TTC6: variants seen among roughly 807,000 people sequenced by gnomAD.
TTC6 encodes the protein tetratricopeptide repeat protein 6.
A neutral mutation model predicts 210.4 loss-of-function variants in TTC6; 172 were observed. That is an observed-to-expected ratio of 0.82 (90% CI 0.72 to 0.93). TTC6 has a LOEUF of 0.93. Among genes scored for constraint, TTC6 ranks in the 40% least tolerant of loss-of-function variants. The probability of loss-of-function intolerance (pLI) is 0.00; values close to 1 mark genes in which losing one functional copy is unlikely to be tolerated. For synonymous variants in TTC6, 804 were observed against 819.6 expected (o/e 0.98, Z 0.32); for missense variants, 2,414 against 2,318.1 (o/e 1.04, Z -0.85).
rs141232166 is a variant in TTC6 at position 37,749,084 on chromosome 14, A to G, written c.2509A>G (p.Ile837Val). ...AGCTAAGGGAGGAATTCCAGAAAAT[A>G]TTGATCCTCGGACATGGGCTCTTGA... Residue 837 changes from isoleucine to valine, a missense_variant, in exon 11 of 31, where the codon ATT becomes GTT. Physicochemically the swap from Ile to Val is conservative, Grantham distance 29. Transcript: ENST00000553443. The G allele has an allele frequency of 7.8e-4, 1,201 of 1,535,776 alleles. 24 individuals carry two copies. In the East Asian group the frequency reaches 0.028, roughly 36 times the overall value.
At chr14:37,645,702 G>C (rs2095700399) in intron 1 of TTC6, among the ~76,000 whole-genome samples, 2 of 152,132 alleles carry the variant, frequency 1.3e-5, no homozygotes, top group South Asian at 4.1e-4. Flanking sequence ...CTCCAAGGTA[G>C]AAATGTTCTG....
intron 29 of TTC6, among the ~76,000 whole-genome samples, chr14:37,836,733 A>C (rs1205955362): frequency 6.6e-6 from 1 of 152,096 alleles, no homozygotes; most frequent in Non-Finnish European, 1.5e-5. Context: ...CTTCGTAGAG[A>C]AAATGGCTTC....
intron 10 of TTC6, among the ~76,000 whole-genome samples, chr14:37,741,515 C>A (rs972056009): frequency 2.0e-5 from 3 of 152,012 alleles, no homozygotes; most frequent in Admixed American, 6.6e-5. Context: ...GTCTCGAATT[C>A]CTGACTTCAG....
chr14:37,664,355 A>G (rs1190788022), intron 1 of TTC6, among the ~76,000 whole-genome samples: 1 of 150,694 alleles, frequency 6.6e-6, no homozygotes, highest in Non-Finnish European at 1.5e-5. Context: ...CGTCGCACCT[A>G]CAACCATCAG....
chr14:37,628,779 T>C (rs960061523), intron 1 of TTC6, among the ~76,000 whole-genome samples: 1 of 152,230 alleles, frequency 6.6e-6, no homozygotes, highest in African/African-American at 2.4e-5. Flanking sequence ...GAGTTAATTT[T>C]TGTATAAGGT....
chr14:37,605,895 G>GTTTT (rs200989659), intron 1 of TTC6, among the ~76,000 whole-genome samples: 1 of 145,234 alleles, frequency 6.9e-6, no homozygotes, highest in Non-Finnish European at 1.5e-5. Context: ...TTATTCACAG[G>GTTTT]TTTTTTTTTT....
At chr14:37,607,127 G>A (rs990243699) in intron 2 of TTC6, among the ~76,000 whole-genome samples, 28 of 152,332 alleles carry the variant, frequency 1.8e-4, no homozygotes, top group African/African-American at 6.5e-4. Flanking sequence ...CATAGCTGGA[G>A]AACATGTAAG....
At position 37,792,438 on chromosome 14, in the gene TTC6, AT is replaced by A. The variant is rs1261610048; in HGVS notation, c.3708+31del. 2.8e-6 allele frequency: 4 copies of A among 1,440,702 alleles called. No individual in the cohort carries two copies. In the East Asian group the frequency reaches 1.0e-4, roughly 37 times the overall value. The allele number at this position is 1,440,702 out of a possible 1,614,324, so 89.2% of individuals were successfully genotyped here. A position where few individuals can be genotyped will look rare whatever the true frequency, so the allele number is the denominator to read the frequency against. The stretch of plus-strand genomic sequence containing the variant: ...AGGTATTTAAGGCTCGAGAACCTTG[AT>A]TTTTTTAAAAAAACTTTAATTTTCT... On this transcript the variant is annotated intron_variant, in intron 17 of 30. Transcript: ENST00000553443.
At position 37,737,743 on chromosome 14, in the gene TTC6, A is replaced by G; in HGVS notation, c.1983+9A>G. Reference sequence around the variant, plus strand: ...AACCTACACAACTAAGGGTATTATAATTTTACAGTTTTTACTCTCTAAAAG... The same window carrying G: ...AACCTACACAACTAAGGGTATTATAGTTTTACAGTTTTTACTCTCTAAAAG... On this transcript the variant is annotated intron_variant, in intron 9 of 30. Coordinates refer to ENST00000553443, the Ensembl canonical transcript of TTC6. 6.9e-7 allele frequency: 1 copy of G among 1,449,600 alleles called. No homozygotes were observed. Among genetic ancestry groups the G allele is most frequent in the Admixed American group, 2.3e-5 (1 of 43,980 alleles). The allele number at this position is 1,449,600 out of a possible 1,614,324, so 89.8% of individuals were successfully genotyped here.
exon 3 of TTC6, chr14:37,682,951 G>T: frequency 6.5e-7 from 1 of 1,535,336 alleles, no homozygotes; most frequent in Non-Finnish European, 8.7e-7. Flanking sequence ...GAAGCCAAGT[G>T]GGTGTCTTTA....
At position 37,613,312 on chromosome 14, in the gene TTC6, A is replaced by G. The variant is rs552695743; in HGVS notation, c.-155+6570A>G. Among the ~76,000 whole-genome samples, 6 of 152,230 alleles carry G rather than the reference A, an allele frequency of 3.9e-5. No homozygotes were observed. The South Asian group carries it at 1.2e-3, about 32-fold the overall frequency. Reference sequence around the variant, plus strand: ...TATAATAAAATCAGATACTTAAATCAATTTTTCAACCCTTGGATAAACTCT... The same window carrying G: ...TATAATAAAATCAGATACTTAAATCGATTTTTCAACCCTTGGATAAACTCT... On this transcript the variant is annotated intron_variant, in intron 2 of 2. Transcript: ENST00000556845.
intron 14 of TTC6, among the ~76,000 whole-genome samples, chr14:37,769,450 T>C (rs906096024): frequency 6.6e-6 from 1 of 152,136 alleles, no homozygotes; most frequent in African/African-American, 2.4e-5. Context: ...TTTTGGTTGG[T>C]AAGCTATTGA....
rs1207708578 is a variant in TTC6, at chr14:37,701,536, C to A, written c.1571+10C>A. ...AAGAACAAACAGATAGGTAAGAGTTCCACTGGTAATTTGATTTTAAGCTAA... is the reference window on the plus strand; with the variant it reads ...AAGAACAAACAGATAGGTAAGAGTTACACTGGTAATTTGATTTTAAGCTAA... On this transcript the variant is annotated intron_variant, in intron 5 of 30. Transcript: ENST00000553443. 8 of 1,416,588 alleles carry A rather than the reference C, an allele frequency of 5.6e-6. No homozygotes were observed. Among genetic ancestry groups the A allele is most frequent in the Non-Finnish European group, 7.3e-6 (8 of 1,090,396 alleles). The allele number at this position is 1,416,588 out of a possible 1,614,324, so 87.8% of individuals were successfully genotyped here. A position where few individuals can be genotyped will look rare whatever the true frequency, so the allele number is the denominator to read the frequency against.
chr14:37,634,534 G>C (rs1343125044), intron 1 of TTC6, among the ~76,000 whole-genome samples: 1 of 152,114 alleles, frequency 6.6e-6, no homozygotes, highest in Non-Finnish European at 1.5e-5. Flanking sequence ...CCTGGAAGAA[G>C]GGGAAAAAGA....
intron 29 of TTC6, among the ~76,000 whole-genome samples, chr14:37,829,756 G>T (rs2139009975): frequency 6.6e-6 from 1 of 152,166 alleles, no homozygotes; most frequent in Non-Finnish European, 1.5e-5. Flanking sequence ...AATAGATATT[G>T]CAAGGCAAGT....
intron 1 of TTC6, among the ~76,000 whole-genome samples, chr14:37,637,618 G>C (rs2095683489): frequency 2.0e-5 from 3 of 152,122 alleles, no homozygotes. Flanking sequence ...CTGGGTGACA[G>C]AGTGAGACCG....
Position 37,775,269 on chromosome 14 carries a change from C to T in TTC6, c.3267-12199C>T, listed in dbSNP as rs371475732. On this transcript the variant is annotated intron_variant, in intron 14 of 30. Coordinates refer to ENST00000553443, the Ensembl canonical transcript of TTC6. ...ATTTTGGTTATTTCTTTTCTGCTAT[C>T]TTTCAGGTTGGTTTGCTCTTGATTG... 1.2e-4 allele frequency among the ~76,000 whole-genome samples: 19 copies of T among 152,220 alleles called. No individual in the cohort carries two copies. The East Asian group carries it at 2.9e-3, about 23-fold the overall frequency.
At chr14:37,684,151 G>T (rs1185719066) in intron 3 of TTC6, among the ~76,000 whole-genome samples, 1 of 152,056 alleles carries the variant, frequency 6.6e-6, no homozygotes, top group African/African-American at 2.4e-5. Context: ...CAATCTCCAA[G>T]GCTTGGAGTT....
chr14:37,758,837 C>T (rs1374306450), intron 14 of TTC6, among the ~76,000 whole-genome samples: 1 of 152,006 alleles, frequency 6.6e-6, no homozygotes, highest in Non-Finnish European at 1.5e-5. Context: ...TTTTTCCTTT[C>T]CATGTTTAGT....
Sources: allele counts gnomAD v4.1 joint callset (sites outside exome capture counted in the v4.1 genomes callset), GRCh38; gene constraint gnomAD v4.1.1; transcripts MANE v1.5; gene names NCBI Gene and HGNC (gene_info 2026-07-23, HGNC 2026-07-21).